The following DCTN5 variants were observed in gnomAD, a reference collection of about 807,000 sequenced individuals.
DCTN5 encodes dynactin subunit 5.
A neutral mutation model predicts 23.5 loss-of-function variants in DCTN5; 14 were observed. That is an observed-to-expected ratio of 0.60 (90% CI 0.39 to 0.93). DCTN5 has a LOEUF of 0.93. DCTN5 is among the 40% of genes least tolerant of loss of function. The pLI is 0.00. For missense variants in DCTN5, 156 were observed against 225.9 expected, an observed-to-expected ratio of 0.69 and a Z score of 1.98; for synonymous variants, 67 against 79.6, an observed-to-expected ratio of 0.84 and a Z score of 0.84.
intron 3 of DCTN5, among the ~76,000 whole-genome samples, chr16:23,659,640 A>G (rs1967775344): frequency 6.6e-6 from 1 of 152,220 alleles, no homozygotes; most frequent in South Asian, 2.1e-4. Flanking sequence ...GGAACAGAGA[A>G]GGGAGCAATT....
At chr16:23,650,644 ACTG>A (rs1351879090) in intron 2 of DCTN5, 33 of 1,039,852 alleles carry the variant, frequency 3.2e-5, no homozygotes, top group Non-Finnish European at 4.3e-5. Context: ...GTGCATTTTC[ACTG>A]CTGTGTACAA....
chr16:23,665,602 C>G, intron 4 of DCTN5, 24 bp from the exon 5 acceptor site: 1 of 1,602,342 alleles, frequency 6.2e-7, no homozygotes, highest in South Asian at 1.1e-5. Flanking sequence ...GATCCATTTC[C>G]TATTAACAAG....
intron 2 of DCTN5, among the ~76,000 whole-genome samples, chr16:23,644,143 G>A (rs8050276): frequency 6.6e-6 from 1 of 150,900 alleles, no homozygotes; most frequent in Non-Finnish European, 1.5e-5. Context: ...TTCCTTTTTT[G>A]TTGAGACAGA....
At chr16:23,657,642 C>A (rs148130956) in intron 2 of DCTN5, 8,501 of 263,020 alleles carry the variant, frequency 0.032, 182 homozygotes, top group Middle Eastern at 0.075. Flanking sequence ...TGGGGTTTCA[C>A]CATGTTGGCC....
In DCTN5 at chr16:23,661,087, A is replaced by G. The variant is rs2140984822; in HGVS notation, c.237-83A>G. 3.5e-6 allele frequency: 3 copies of G among 868,290 alleles called. No individual in the cohort carries two copies. In the South Asian group the frequency reaches 5.5e-5, roughly 16 times the overall value. 53.8% of individuals were successfully genotyped at this position (868,290 alleles called of 1,614,324 possible). A position where few individuals can be genotyped will look rare whatever the true frequency, so the allele number is the denominator to read the frequency against. ...AGTCTTGCTAAGATGATAAAGTTCA[A>G]ATTATGATCTGTAGTTCTATAAACC... On this transcript the variant is annotated intron_variant, in intron 3 of 5. Coordinates refer to ENST00000300087, the MANE Select transcript of DCTN5 (RefSeq NM_032486.4).
At chr16:23,666,609 C>T (rs147692942) in intron 5 of DCTN5, 3 of 194,904 alleles carry the variant, frequency 1.5e-5, no homozygotes, top group African/African-American at 2.3e-5. Context: ...TACAGAGGCA[C>T]GTCATAAATT....
At chr16:23,657,969 C>T (rs17806253) in intron 2 of DCTN5, among the ~76,000 whole-genome samples, 15,981 of 152,212 alleles carry the variant, frequency 0.1, 1,138 homozygotes, top group Non-Finnish European at 0.16. Flanking sequence ...CATTAATCCT[C>T]CCAGACTTAT....
At chr16:23,661,447 G>A (rs1028003767) in intron 4 of DCTN5, among the ~76,000 whole-genome samples, 166 bp downstream of exon 4, 13 of 152,096 alleles carry the variant, frequency 8.5e-5, no homozygotes, top group Non-Finnish European at 1.5e-4. Flanking sequence ...AGCTGGGTGC[G>A]GTGGCTCATG....
At chr16:23,662,668 G>A (rs961019417) in intron 4 of DCTN5, among the ~76,000 whole-genome samples, 1 of 152,198 alleles carries the variant, frequency 6.6e-6, no homozygotes, top group Non-Finnish European at 1.5e-5. Flanking sequence ...TGAGGGTACA[G>A]CAAAGGTGGA....
intron 2 of DCTN5, among the ~76,000 whole-genome samples, chr16:23,646,921 C>CT (rs1967474132): frequency 6.6e-6 from 1 of 152,042 alleles, no homozygotes; most frequent in South Asian, 2.1e-4. Flanking sequence ...TAACTTAGTT[C>CT]TTTTGAATGT....
At position 23,671,985 on chromosome 16, in the gene DCTN5, T is replaced by C. The variant is rs751950559; in HGVS notation, c.*4841T>C. 2.0e-5 allele frequency: 3 copies of C among 152,196 alleles called. No individual in the cohort carries two copies. The highest frequency in any genetic ancestry group is 2.9e-5 in the Non-Finnish European group (2 of 68,030). The allele number at this position is 152,196 out of a possible 1,614,324, so 9.4% of individuals were successfully genotyped here. ...GCTTTCATACCATGGGTCTGAACAT[T>C]AGCCCATGGTGTTTCTTGGCCATAC... On this transcript the variant is annotated 3_prime_UTR_variant, in exon 6 of 6. Coordinates refer to ENST00000300087, the MANE Select transcript of DCTN5 (RefSeq NM_032486.4).
intron 1 of DCTN5, among the ~76,000 whole-genome samples, chr16:23,641,897 A>G (rs1044216737): frequency 2.0e-5 from 3 of 151,880 alleles, no homozygotes; most frequent in Non-Finnish European, 2.9e-5. Flanking sequence ...TGCCTTTTGT[A>G]TCTGTTAACT....
At chr16:23,665,449 ACACT>A (rs1329576738) in intron 4 of DCTN5, among the ~76,000 whole-genome samples, 173 bp from the exon 5 acceptor site, 1 of 152,198 alleles carries the variant, frequency 6.6e-6, no homozygotes, top group Non-Finnish European at 1.5e-5. Context: ...ACACAAACAC[ACACT>A]CTCACAACCT....
At chr16:23,655,105 G>A (rs1266826218) in intron 2 of DCTN5, among the ~76,000 whole-genome samples, 2 of 152,000 alleles carry the variant, frequency 1.3e-5, no homozygotes, top group African/African-American at 2.4e-5. Context: ...CTTTTTTCAC[G>A]CAGCATAATG....
chr16:23,648,273 A>T (rs1241669212), intron 2 of DCTN5, among the ~76,000 whole-genome samples: 1 of 141,164 alleles, frequency 7.1e-6, no homozygotes, highest in African/African-American at 2.7e-5. Context: ...CGAACCTCCC[A>T]CCTCAGCTTC....
Position 23,674,557 on chromosome 16 carries a change from T to G in DCTN5, c.*7413T>G, listed in dbSNP as rs1349516348. 2.6e-5 allele frequency: 4 copies of G among 152,332 alleles called. No homozygotes were observed. The highest frequency in any genetic ancestry group is 2.6e-4 in the Admixed American group (4 of 15,306). 9.4% of individuals were successfully genotyped at this position (152,332 alleles called of 1,614,324 possible). On this transcript the variant is annotated 3_prime_UTR_variant, in exon 6 of 6. Transcript: ENST00000300087. ...CAACAGTGGACTGACAGCCTGACTC[T>G]ACTTCCCTCACTTTTCTCCCAGCAC...
chr16:23,669,005 TTTATAA>T lies in DCTN5; in HGVS notation c.*1866_*1871del, dbSNP rs1275768624. 1.3e-5 allele frequency: 2 copies of T among 152,024 alleles called. No individual in the cohort carries two copies. The highest frequency in any genetic ancestry group is 2.9e-5 in the Non-Finnish European group (2 of 67,910). 9.4% of individuals were successfully genotyped at this position (152,024 alleles called of 1,614,324 possible). On this transcript the variant is annotated 3_prime_UTR_variant, in exon 6 of 6. Transcript: ENST00000300087. ...CAATAGCTACTACAAACAATAGGAG[TTTATAA>T]TTATGTGCTGATGTATTCGAAGATG...
intron 5 of DCTN5, chr16:23,665,950 C>A: frequency 1.9e-6 from 1 of 539,978 alleles, no homozygotes; most frequent in Non-Finnish European, 3.3e-6. Flanking sequence ...TTATGAAGGG[C>A]CAAACACAAA....
intron 2 of DCTN5, chr16:23,650,955 G>A (rs893262955): frequency 7.0e-7 from 1 of 1,436,080 alleles, no homozygotes; most frequent in African/African-American, 1.4e-5. Flanking sequence ...GCAACAATCA[G>A]CTTTCCAGAG....
Sources: gnomAD v4.1 joint callset for allele counts (sites outside exome capture counted in the v4.1 genomes callset) on GRCh38, gnomAD v4.1.1 for gene constraint, MANE v1.5 for transcripts, NCBI Gene and HGNC (gene_info 2026-07-23, HGNC 2026-07-21) for gene names.